SUGCT: variants seen among roughly 807,000 people sequenced by gnomAD.
The protein encoded by SUGCT is succinyl-CoA:glutarate CoA-transferase.
In SUGCT, 41 loss-of-function variants were observed where a neutral mutation model predicts 55.0. The observed-to-expected ratio is 0.74, with a 90% confidence interval of 0.58 to 0.97. The LOEUF (loss-of-function observed/expected upper bound fraction) is 0.97, where lower values mean the gene tolerates loss of function less well. Among genes scored for constraint, SUGCT ranks in the 50% least tolerant of loss-of-function variants. The pLI, the probability that SUGCT is intolerant of heterozygous loss-of-function variation, is 0.00. For missense variants in SUGCT, 568 were observed against 547.8 expected, an observed-to-expected ratio of 1.04 and a Z score of -0.37; for synonymous variants, 187 against 200.4, an observed-to-expected ratio of 0.93 and a Z score of 0.56.
chr7:41,016,429 A>G, the SUGCT span, among the ~76,000 whole-genome samples: 3 of 152,282 alleles, frequency 2.0e-5, no homozygotes, highest in East Asian at 3.9e-4. Context: ...CAGAACCCAT[A>G]GATTCCTGTT....
intron 9 of SUGCT, among the ~76,000 whole-genome samples, chr7:40,412,015 C>A (rs964092256): frequency 9.2e-5 from 14 of 152,186 alleles, no homozygotes; most frequent in Non-Finnish European, 1.6e-4. Flanking sequence ...TAGGCCCACG[C>A]CATCCACTTT....
At chr7:40,530,144 T>G (rs562532325) in intron 12 of SUGCT, among the ~76,000 whole-genome samples, 14 of 152,332 alleles carry the variant, frequency 9.2e-5, no homozygotes, top group African/African-American at 3.1e-4. Context: ...AATGCATTTC[T>G]TTATACCAGG....
the SUGCT span, among the ~76,000 whole-genome samples, chr7:40,932,374 G>A: frequency 6.6e-6 from 1 of 152,192 alleles, no homozygotes; most frequent in Admixed American, 6.5e-5. Flanking sequence ...TAAGTGCAGT[G>A]CGGTGCTGAG....
intron 8 of SUGCT, among the ~76,000 whole-genome samples, chr7:40,296,607 T>A (rs925193650): frequency 2.1e-5 from 3 of 140,236 alleles, no homozygotes; most frequent in South Asian, 4.6e-4. Flanking sequence ...ACAGAGTGAG[T>A]GACTCGTGTG....
At chr7:40,602,961 G>A (rs1258193046) in intron 12 of SUGCT, among the ~76,000 whole-genome samples, 2 of 152,176 alleles carry the variant, frequency 1.3e-5, no homozygotes, top group Non-Finnish European at 2.9e-5. Context: ...AACTGCAGTA[G>A]TGATGGGATG....
chr7:40,424,475 T>C (rs1432714317), intron 9 of SUGCT, among the ~76,000 whole-genome samples: 2 of 152,134 alleles, frequency 1.3e-5, no homozygotes, highest in African/African-American at 4.8e-5. Context: ...TTCTGGATCT[T>C]GAGGTTCTAT....
At chr7:40,882,145 A>C in the SUGCT span, among the ~76,000 whole-genome samples, 72 of 152,350 alleles carry the variant, frequency 4.7e-4, no homozygotes, top group Admixed American at 5.9e-4. Context: ...CAGGCATCAG[A>C]AGATGATCCA....
chr7:40,918,334 G>A, the SUGCT span, among the ~76,000 whole-genome samples: 2 of 151,834 alleles, frequency 1.3e-5, no homozygotes, highest in African/African-American at 4.8e-5. Flanking sequence ...GGTGGCGTGT[G>A]CTTGTAATCC....
Position 40,373,043 on chromosome 7 carries a change from T to C in SUGCT, c.816+56188T>C, listed in dbSNP as rs1029045030. ...AAAATTATATCATATGGCTTAATTG[T>C]GTATCATAGTAGTAATTATTACTAA... On this transcript the variant is annotated intron_variant, in intron 9 of 13. Coordinates refer to ENST00000335693, the MANE Select transcript of SUGCT (RefSeq NM_001193313.2). 7.9e-5 allele frequency among the ~76,000 whole-genome samples: 12 copies of C among 152,074 alleles called. No individual in the cohort carries two copies. The South Asian group carries it at 1.5e-3, about 18-fold the overall frequency.
At chr7:40,248,888 G>GCGCGCACACACA (rs774950218) in intron 7 of SUGCT, among the ~76,000 whole-genome samples, 1 of 135,522 alleles carries the variant, frequency 7.4e-6, no homozygotes, top group African/African-American at 2.9e-5. Flanking sequence ...GCGCGCGCTC[G>GCGCGCACACACA]CACACACACA....
chr7:40,558,442 T>A (rs551988651), intron 12 of SUGCT, among the ~76,000 whole-genome samples: 1 of 152,362 alleles, frequency 6.6e-6, no homozygotes, highest in East Asian at 1.9e-4. Flanking sequence ...AGGAATGGAA[T>A]TCTGATATAT....
At chr7:40,541,003 C>A (rs1794644096) in intron 12 of SUGCT, among the ~76,000 whole-genome samples, 1 of 152,044 alleles carries the variant, frequency 6.6e-6, no homozygotes, top group Admixed American at 6.6e-5. Context: ...GTTTCAGGTG[C>A]CATGGTAGGT....
chr7:40,767,814 A>T (rs1338707404), intron 13 of SUGCT, among the ~76,000 whole-genome samples: 1 of 152,234 alleles, frequency 6.6e-6, no homozygotes, highest in African/African-American at 2.4e-5. Context: ...ATTCAAAAGC[A>T]GAATTCAATT....
intron 11 of SUGCT, among the ~76,000 whole-genome samples, chr7:40,470,315 C>T (rs1314438189): frequency 6.6e-6 from 1 of 152,046 alleles, no homozygotes; most frequent in Admixed American, 6.6e-5. Context: ...CTCCTCTTAG[C>T]TTTGGCTCTC....
chr7:40,931,072 T>G, the SUGCT span, among the ~76,000 whole-genome samples: 1 of 152,162 alleles, frequency 6.6e-6, no homozygotes, highest in East Asian at 1.9e-4. Context: ...CATAAATAGC[T>G]CTTATTGTTT....
In SUGCT at chr7:40,237,735, C is replaced by T; in HGVS notation, c.576+9C>T. On this transcript the variant is annotated intron_variant, in intron 7 of 13. Transcript: ENST00000335693. ...ACATCACAGGGCCTGAGGTAGGTAT[C>T]CTTCCTTAGAATATTCATAATTTCT... The T allele has an allele frequency of 6.2e-7, 1 of 1,608,608 alleles. No individual in the cohort carries two copies.
intron 12 of SUGCT, among the ~76,000 whole-genome samples, chr7:40,711,308 G>A (rs1056139069): frequency 2.0e-5 from 3 of 152,144 alleles, no homozygotes; most frequent in Non-Finnish European, 2.9e-5. Context: ...TCAGGAATTC[G>A]AGACCTGCCT....
intron 12 of SUGCT, among the ~76,000 whole-genome samples, chr7:40,658,331 TC>T (rs1584224422): frequency 6.6e-6 from 1 of 152,178 alleles, no homozygotes; most frequent in South Asian, 2.1e-4. Context: ...TTGAACCCCT[TC>T]CCCCTTTCCG....
chr7:40,917,220 T>G, the SUGCT span, among the ~76,000 whole-genome samples: 12 of 152,366 alleles, frequency 7.9e-5, no homozygotes, highest in Admixed American at 7.8e-4. Flanking sequence ...TTTTTGTATC[T>G]TCGACTCTTC....
Sources: allele counts gnomAD v4.1 joint callset (sites outside exome capture counted in the v4.1 genomes callset), GRCh38; gene constraint gnomAD v4.1.1; transcripts MANE v1.5; gene names NCBI Gene and HGNC (gene_info 2026-07-23, HGNC 2026-07-21).